The following PACS1 variants were observed in gnomAD, a reference collection of about 807,000 sequenced individuals.
The protein encoded by PACS1 is phosphofurin acidic cluster sorting protein 1.
PACS1 carries 24 observed loss-of-function variants against 115.0 expected under a neutral mutation model. That is an observed-to-expected ratio of 0.21 (90% CI 0.15 to 0.29). The LOEUF is 0.29. PACS1 is among the 10% of genes least tolerant of loss of function. PACS1 has a pLI of 1.00. For synonymous variants in PACS1, 453 were observed against 504.5 expected (o/e 0.90, Z 1.37); for missense variants, 838 against 1,251.2 (o/e 0.67, Z 4.98).
At chr11:66,237,770 A>C (rs1391717471) in intron 19 of PACS1, among the ~76,000 whole-genome samples, 2 of 152,228 alleles carry the variant, frequency 1.3e-5, no homozygotes. Flanking sequence ...TAGCAACCTC[A>C]CCAAATGCCA....
At position 66,223,862 on chromosome 11, in the gene PACS1, T is replaced by C. The variant is rs1355625813; in HGVS notation, c.1293+2615T>C. On this transcript the variant is annotated intron_variant, in intron 10 of 23. Coordinates refer to ENST00000320580, the MANE Select transcript of PACS1 (RefSeq NM_018026.4). ...AGACACTCTGAGCCTCGGTGCCTCA[T>C]CTGTAGGGTTGTGGTGTCGGTATAG... 3.3e-5 allele frequency among the ~76,000 whole-genome samples: 5 copies of C among 152,268 alleles called. No individual in the cohort carries two copies. In the East Asian group the frequency reaches 9.7e-4, roughly 29 times the overall value.
At chr11:66,107,528 C>T (rs755239575) in intron 1 of PACS1, among the ~76,000 whole-genome samples, 2 of 152,120 alleles carry the variant, frequency 1.3e-5, no homozygotes, top group Non-Finnish European at 2.9e-5. Flanking sequence ...CTGTTCTATC[C>T]CCAGTGGTTA....
intron 1 of PACS1, among the ~76,000 whole-genome samples, chr11:66,131,613 C>T (rs576483683): frequency 6.6e-6 from 1 of 151,926 alleles, no homozygotes; most frequent in Non-Finnish European, 1.5e-5. Context: ...AAGATTTGTG[C>T]TTTTTGATGT....
At chr11:66,193,708 G>C in intron 2 of PACS1, 135 bp downstream of exon 2, 1 of 597,834 alleles carries the variant, frequency 1.7e-6, no homozygotes, top group African/African-American at 1.8e-5. Context: ...ACAGTGGAAA[G>C]ATAACAGAGC....
chr11:66,217,086 G>A lies in PACS1; in HGVS notation c.978+311G>A, dbSNP rs535974438. On this transcript the variant is annotated intron_variant, in intron 7 of 23. Transcript: ENST00000320580. ...AACAGACCGCCTCCCACCCACTCCA[G>A]TGGCTGCTTCATGTCACATGCTGTC... is the stretch of plus-strand genomic sequence containing the variant. The A allele has an allele frequency of 2.0e-5, 8 of 390,888 alleles. No homozygotes were observed. In the South Asian group the frequency reaches 2.2e-4, roughly 11 times the overall value. 24.2% of individuals were successfully genotyped at this position (390,888 alleles called of 1,614,324 possible).
intron 8 of PACS1, 137 bp downstream of exon 8, chr11:66,219,942 G>A (rs981225779): frequency 1.4e-6 from 1 of 740,154 alleles, no homozygotes; most frequent in Admixed American, 2.0e-5. Flanking sequence ...GGCATACCTG[G>A]TAGAGCCCTA....
intron 1 of PACS1, among the ~76,000 whole-genome samples, chr11:66,072,297 C>T (rs1742797673): frequency 6.6e-6 from 1 of 152,036 alleles, no homozygotes. Flanking sequence ...CCGTAATTCT[C>T]TTGAATATGT....
chr11:66,197,828 C>T (rs1209363087), intron 2 of PACS1, among the ~76,000 whole-genome samples: 1 of 152,098 alleles, frequency 6.6e-6, no homozygotes, highest in East Asian at 1.9e-4. Flanking sequence ...AAAAATTCCA[C>T]AGTTGTCTGA....
intron 1 of PACS1, among the ~76,000 whole-genome samples, chr11:66,088,166 A>T (rs193012644): frequency 1.3e-4 from 20 of 151,264 alleles, no homozygotes; most frequent in African/African-American, 4.6e-4. Flanking sequence ...TTTACTCTTT[A>T]TATTTATTTA....
chr11:66,167,876 G>A (rs1015154612), intron 1 of PACS1, among the ~76,000 whole-genome samples: 2 of 149,938 alleles, frequency 1.3e-5, no homozygotes, highest in Non-Finnish European at 2.9e-5. Context: ...TAATACCATA[G>A]TGCTTCAACT....
chr11:66,202,782 T>TATATATATATATA (rs1854845586), intron 2 of PACS1, among the ~76,000 whole-genome samples: 7 of 119,668 alleles, frequency 5.8e-5, no homozygotes, highest in East Asian at 5.0e-4. Context: ...TATATATATA[T>TATATATATATATA]TCTGAAAAAG....
chr11:66,216,016 A>G, intron 4 of PACS1, 103 bp from the exon 5 acceptor site: 1 of 980,670 alleles, frequency 1.0e-6, no homozygotes, highest in Non-Finnish European at 1.5e-6. Flanking sequence ...AAGAAAACGT[A>G]TCAGCAGAAT....
At chr11:66,091,756 G>A (rs1197761302) in intron 1 of PACS1, among the ~76,000 whole-genome samples, 1 of 151,328 alleles carries the variant, frequency 6.6e-6, no homozygotes, top group Admixed American at 6.6e-5. Flanking sequence ...CCACCTATGA[G>A]CGAGAATATG....
intron 16 of PACS1, 47 bp from the exon 17 acceptor site, chr11:66,234,085 G>A (rs764089938): frequency 6.5e-7 from 1 of 1,534,962 alleles, no homozygotes; most frequent in Non-Finnish European, 9.0e-7. Flanking sequence ...CTCCCACACT[G>A]TCTCATCTCC....
At chr11:66,187,926 T>TA (rs1190673369) in intron 1 of PACS1, among the ~76,000 whole-genome samples, 1 of 152,218 alleles carries the variant, frequency 6.6e-6, no homozygotes, top group Non-Finnish European at 1.5e-5. Context: ...ATTCACTAGT[T>TA]ACAACAGTGT....
At chr11:66,201,917 C>T (rs1854809038) in intron 2 of PACS1, among the ~76,000 whole-genome samples, 1 of 151,796 alleles carries the variant, frequency 6.6e-6, no homozygotes, top group African/African-American at 2.4e-5. Flanking sequence ...CCTTGGCCTT[C>T]GGTGCTGGGA....
intron 4 of PACS1, among the ~76,000 whole-genome samples, chr11:66,215,210 G>C (rs1469111748): frequency 6.6e-6 from 1 of 152,064 alleles, no homozygotes; most frequent in South Asian, 2.1e-4. Context: ...GGGATTACAG[G>C]TGTGAGCCAC....
intron 1 of PACS1, among the ~76,000 whole-genome samples, chr11:66,184,445 G>A (rs1323257606): frequency 1.3e-5 from 2 of 151,336 alleles, no homozygotes; most frequent in African/African-American, 4.9e-5. Context: ...AGGATCATTT[G>A]TAGAAATTAT....
intron 1 of PACS1, among the ~76,000 whole-genome samples, chr11:66,115,854 G>A (rs190184378): frequency 1.3e-5 from 2 of 152,290 alleles, no homozygotes; most frequent in Admixed American, 6.5e-5. Flanking sequence ...GCACGAAGGC[G>A]TTGCAGTTGT....
Sources: gnomAD v4.1 joint callset for allele counts (sites outside exome capture counted in the v4.1 genomes callset) on GRCh38, gnomAD v4.1.1 for gene constraint, MANE v1.5 for transcripts, NCBI Gene and HGNC (gene_info 2026-07-23, HGNC 2026-07-21) for gene names.